The following ANKFN1 variants were observed in gnomAD, a reference collection of about 807,000 sequenced individuals.
The protein encoded by ANKFN1 is ankyrin repeat and fibronectin type-III domain-containing protein 1.
In ANKFN1, 74 loss-of-function variants were observed where a neutral mutation model predicts 108.7. The observed-to-expected ratio is 0.68, with a 90% CI of 0.56 to 0.83. The LOEUF (loss-of-function observed/expected upper bound fraction) is 0.83, where lower values mean the gene tolerates loss of function less well. ANKFN1 is among the 40% of genes least tolerant of loss of function. The pLI, the probability that ANKFN1 is intolerant of heterozygous loss-of-function variation, is 0.00. For missense variants in ANKFN1, 1,505 were observed against 1,382.3 expected, an observed-to-expected ratio of 1.09 and a Z score of -1.41; for synonymous variants, 547 against 516.2, an observed-to-expected ratio of 1.06 and a Z score of -0.81.
intron 19 of ANKFN1, among the ~76,000 whole-genome samples, chr17:56,496,736 T>C (rs1296897834): frequency 6.6e-6 from 1 of 152,084 alleles, no homozygotes; most frequent in African/African-American, 2.4e-5. Context: ...AATCATATCT[T>C]TTGCCATATA....
intron 1 of ANKFN1, among the ~76,000 whole-genome samples, chr17:56,178,872 A>C (rs1405054633): frequency 1.3e-5 from 2 of 152,192 alleles, no homozygotes; most frequent in Non-Finnish European, 2.9e-5. Context: ...TCATAGGATA[A>C]ATGTCCCTTA....
rs75650844 is a variant in ANKFN1, at chr17:56,174,216, T to C, written c.-71+20686T>C. ...ACAGAGCCAGATGCCTGCAGGGTTC[T>C]CTCTTTGCCAGCAGCTCTTCAAAGA... On this transcript the variant is annotated intron_variant, in intron 1 of 20. Coordinates refer to ENST00000682825, the MANE Select transcript of ANKFN1 (RefSeq NM_001370326.1). 5 of 985,546 alleles carry C rather than the reference T, an allele frequency of 5.1e-6. No individual in the cohort carries two copies. In the African/African-American group the frequency reaches 8.7e-5, roughly 17 times the overall value. The allele number at this position is 985,546 out of a possible 1,614,324, so 61.1% of individuals were successfully genotyped here. A position where few individuals can be genotyped will look rare whatever the true frequency, so the allele number is the denominator to read the frequency against.
At chr17:56,490,376 T>G (rs2050996357) in intron 18 of ANKFN1, among the ~76,000 whole-genome samples, 1 of 151,868 alleles carries the variant, frequency 6.6e-6, no homozygotes, top group Non-Finnish European at 1.5e-5. Context: ...TAAAGAAAGG[T>G]ATGTGAGGAG....
intron 11 of ANKFN1, among the ~76,000 whole-genome samples, chr17:56,450,742 ATTC>A (rs1401261122): frequency 1.3e-5 from 2 of 152,216 alleles, no homozygotes; most frequent in East Asian, 3.9e-4. Context: ...ATTCTTGGAA[ATTC>A]ATAAGCCACT....
chr17:56,505,474 G>C (rs1303702626), intron 20 of ANKFN1, among the ~76,000 whole-genome samples: 1 of 152,060 alleles, frequency 6.6e-6, no homozygotes, highest in Non-Finnish European at 1.5e-5. Context: ...ATATGATCTG[G>C]GAAATACAAA....
chr17:56,288,309 C>A (rs2044271160), intron 3 of ANKFN1, among the ~76,000 whole-genome samples: 1 of 152,004 alleles, frequency 6.6e-6, no homozygotes, highest in Admixed American at 6.6e-5. Context: ...ATTATCTATT[C>A]CTCCCTTTAT....
chr17:56,444,786 G>T (rs1381555623), intron 10 of ANKFN1, among the ~76,000 whole-genome samples: 1 of 152,182 alleles, frequency 6.6e-6, no homozygotes, highest in Non-Finnish European at 1.5e-5. Context: ...CAGAGATGTT[G>T]CCTTTCCGAA....
intron 3 of ANKFN1, among the ~76,000 whole-genome samples, chr17:56,273,328 A>C (rs1222665479): frequency 1.3e-5 from 2 of 152,120 alleles, no homozygotes; most frequent in African/African-American, 4.8e-5. Flanking sequence ...CTCATATCAT[A>C]ATTTTTTAGC....
At chr17:56,101,597 A>G (rs1257799097) in intron 4 of ANKFN1, among the ~76,000 whole-genome samples, 1 of 152,176 alleles carries the variant, frequency 6.6e-6, no homozygotes, top group Non-Finnish European at 1.5e-5. Context: ...GAAACTTTTT[A>G]AGCAACCTGT....
intron 6 of ANKFN1, among the ~76,000 whole-genome samples, chr17:56,356,194 A>G (rs969025220): frequency 6.6e-6 from 1 of 152,090 alleles, no homozygotes; most frequent in Non-Finnish European, 1.5e-5. Context: ...TGTGCCAGGC[A>G]CTTTTCTGAG....
intron 18 of ANKFN1, among the ~76,000 whole-genome samples, chr17:56,486,156 C>T (rs955159816): frequency 4.6e-5 from 7 of 152,174 alleles, no homozygotes; most frequent in Admixed American, 3.9e-4. Context: ...AGATCAAAGC[C>T]TGACTTTAAG....
intron 8 of ANKFN1, among the ~76,000 whole-genome samples, chr17:56,398,040 G>A (rs904243659): frequency 2.6e-5 from 4 of 152,106 alleles, no homozygotes; most frequent in Non-Finnish European, 5.9e-5. Flanking sequence ...TCTTCCTGTT[G>A]TATTCTTTCA....
intron 14 of ANKFN1, among the ~76,000 whole-genome samples, chr17:56,466,098 T>TA (rs1449615831): frequency 6.6e-6 from 1 of 152,176 alleles, no homozygotes; most frequent in African/African-American, 2.4e-5. Flanking sequence ...TTTGCCTTTT[T>TA]AAAAAAACAT....
At chr17:56,427,888 A>G (rs1201494325) in intron 8 of ANKFN1, among the ~76,000 whole-genome samples, 3 of 152,172 alleles carry the variant, frequency 2.0e-5, no homozygotes, top group African/African-American at 7.2e-5. Context: ...TTCCTCATCT[A>G]TAAAATGAAG....
chr17:56,120,335 C>G (rs1463053802), intron 4 of ANKFN1, among the ~76,000 whole-genome samples: 2 of 152,126 alleles, frequency 1.3e-5, no homozygotes, highest in African/African-American at 4.8e-5. Flanking sequence ...TATGCCTATC[C>G]TCTCATCACC....
rs1905430090 is a variant in ANKFN1, at chr17:56,092,059, T to C, written c.288+45734T>C. ...GAAGAAAAGAAGACAAAAGAAAAATTATCATAAAGCATATGTTTACAAAAG... is the reference window on the plus strand; with the variant it reads ...GAAGAAAAGAAGACAAAAGAAAAATCATCATAAAGCATATGTTTACAAAAG... On this transcript the variant is annotated intron_variant, in intron 4 of 12. Coordinates refer to the ANKFN1 transcript ENST00000635860. Among the ~76,000 whole-genome samples, 2 of 151,272 alleles carry C rather than the reference T, an allele frequency of 1.3e-5. 1 individual carries two copies. The highest frequency in any genetic ancestry group is 3.0e-5 in the Non-Finnish European group (2 of 67,718).
intron 2 of ANKFN1, among the ~76,000 whole-genome samples, chr17:56,220,796 AAGGG>A (rs1418825731): frequency 1.5e-3 from 93 of 62,346 alleles, no homozygotes; most frequent in African/African-American, 5.5e-3. Flanking sequence ...GGAAGGGAGG[AAGGG>A]AGGGAGGGAG....
At chr17:56,455,282 A>C (rs537257519) in intron 11 of ANKFN1, among the ~76,000 whole-genome samples, 9 of 152,272 alleles carry the variant, frequency 5.9e-5, no homozygotes, top group Non-Finnish European at 1.2e-4. Flanking sequence ...GTTTGGGGAA[A>C]GGGTAGTATG....
At chr17:56,476,651 C>T (rs541162134) in intron 15 of ANKFN1, among the ~76,000 whole-genome samples, 1 of 152,166 alleles carries the variant, frequency 6.6e-6, no homozygotes, top group African/African-American at 2.4e-5. Flanking sequence ...AAGTGGTAGA[C>T]CAGTTAAGGA....
Sources: allele counts gnomAD v4.1 joint callset (sites outside exome capture counted in the v4.1 genomes callset), GRCh38; gene constraint gnomAD v4.1.1; transcripts MANE v1.5; gene names NCBI Gene and HGNC (gene_info 2026-07-23, HGNC 2026-07-21).